BNC2: variants seen among roughly 807,000 people sequenced by gnomAD.
BNC2 encodes the protein basonuclin zinc finger protein 2.
A neutral mutation model predicts 76.3 loss-of-function variants in BNC2; 20 were observed. The observed-to-expected ratio is 0.26, with a 90% CI of 0.18 to 0.38. The LOEUF (loss-of-function observed/expected upper bound fraction) is 0.38. BNC2 is among the 10% of genes least tolerant of loss of function. BNC2 has a pLI of 1.00. For synonymous variants in BNC2, 582 were observed against 514.8 expected (o/e 1.13, Z -1.77); for missense variants, 1,382 against 1,399.8 (o/e 0.99, Z 0.20).
chr9:16,843,442 C>CCACTG (rs1339331994), intron 1 of BNC2, among the ~76,000 whole-genome samples: 4 of 152,318 alleles, frequency 2.6e-5, no homozygotes, highest in Non-Finnish European at 5.9e-5. Flanking sequence ...GCCTCAGCCT[C>CCACTG]CACTGCCTCA....
chr9:16,780,737 C>T (rs931021435), intron 1 of BNC2, among the ~76,000 whole-genome samples: 9 of 152,032 alleles, frequency 5.9e-5, no homozygotes, highest in Non-Finnish European at 1.3e-4. Context: ...ACTTCAGCCC[C>T]AGAAGAGCAA....
intron 3 of BNC2, among the ~76,000 whole-genome samples, chr9:16,717,639 A>G (rs1824028947): frequency 6.6e-6 from 1 of 152,320 alleles, no homozygotes; most frequent in Non-Finnish European, 1.5e-5. Context: ...TTGTTTTAAG[A>G]TGAAAAATAA....
intron 4 of BNC2, among the ~76,000 whole-genome samples, chr9:16,564,475 G>A (rs929408548): frequency 1.3e-5 from 2 of 152,106 alleles, no homozygotes; most frequent in African/African-American, 2.4e-5. Context: ...ACGAGATTCA[G>A]AGGAAACATC....
At chr9:16,720,086 C>G (rs1247164022) in intron 3 of BNC2, among the ~76,000 whole-genome samples, 1 of 152,174 alleles carries the variant, frequency 6.6e-6, no homozygotes, top group Admixed American at 6.5e-5. Flanking sequence ...AAGCCAGGGC[C>G]CCTGGTTACA....
chr9:16,437,518 C>T lies in BNC2; in HGVS notation c.676G>A (p.Ala226Thr), dbSNP rs1456846165. 6.2e-7 allele frequency: 1 copy of T among 1,612,108 alleles called. No homozygotes were observed. Among genetic ancestry groups the T allele is most frequent in the Non-Finnish European group, 8.5e-7 (1 of 1,179,976 alleles). Residue 226 changes from alanine to threonine, a missense_variant, in exon 6 of 7, where the codon GCT becomes ACT. By Grantham distance (58) the Ala-to-Thr change is moderately conservative. This residue lies in a region of BNC2 where 557 missense variants were observed against 540.9 expected (regional missense o/e 1.03). Coordinates refer to ENST00000380672, the MANE Select transcript of BNC2 (RefSeq NM_017637.6). ...GCCCAGCGGTCCAGCACCTTGCCAG[C>T]AGCATCCTAGAGGCCACATCAAAGA... ...YVRGYILQDA[A>T]GKVLDRWAIM...
At chr9:16,863,651 C>T (rs1267111244) in intron 1 of BNC2, among the ~76,000 whole-genome samples, 3 of 152,140 alleles carry the variant, frequency 2.0e-5, no homozygotes, top group East Asian at 3.9e-4. Flanking sequence ...GCCAAAATCA[C>T]GCCACTGCAC....
chr9:16,753,892 G>C (rs147218539), intron 1 of BNC2, among the ~76,000 whole-genome samples: 64 of 152,184 alleles, frequency 4.2e-4, no homozygotes, highest in African/African-American at 1.5e-3. Context: ...GATATCACTT[G>C]AAGTGAATCA....
At chr9:16,789,931 A>G (rs747549943) in intron 1 of BNC2, among the ~76,000 whole-genome samples, 1 of 152,214 alleles carries the variant, frequency 6.6e-6, no homozygotes, top group Non-Finnish European at 1.5e-5. Flanking sequence ...TTGGCTCAAT[A>G]AATACAGGTA....
intron 5 of BNC2, among the ~76,000 whole-genome samples, chr9:16,496,882 A>T (rs1236106641): frequency 6.6e-6 from 1 of 152,222 alleles, no homozygotes; most frequent in African/African-American, 2.4e-5. Flanking sequence ...TAGGATCTGG[A>T]AGGTGTTTGC....
At chr9:16,521,755 A>G (rs1220500556) in intron 5 of BNC2, among the ~76,000 whole-genome samples, 1 of 152,204 alleles carries the variant, frequency 6.6e-6, no homozygotes, top group African/African-American at 2.4e-5. Flanking sequence ...ATCATGTTAA[A>G]TTGGATTACT....
chr9:16,822,092 CAAAAAAAAAA>C (rs531393812), intron 1 of BNC2, among the ~76,000 whole-genome samples: 4 of 32,626 alleles, frequency 1.2e-4, no homozygotes, highest in African/African-American at 4.5e-4. Context: ...GACTCCATCT[CAAAAAAAAAA>C]AAAAAAAAAA....
intron 3 of BNC2, among the ~76,000 whole-genome samples, chr9:16,666,978 C>T (rs1822312730): frequency 6.6e-6 from 1 of 152,000 alleles, no homozygotes; most frequent in Admixed American, 6.6e-5. Context: ...TGATATTACA[C>T]TCTGAAAAAA....
intron 4 of BNC2, among the ~76,000 whole-genome samples, chr9:16,570,818 A>T (rs1189813423): frequency 2.0e-5 from 3 of 152,206 alleles, no homozygotes; most frequent in Admixed American, 1.3e-4. Context: ...TGGCAAAACG[A>T]AAGTATTTTA....
At chr9:16,455,468 T>C (rs1218749441) in intron 5 of BNC2, among the ~76,000 whole-genome samples, 1 of 152,090 alleles carries the variant, frequency 6.6e-6, no homozygotes, top group African/African-American at 2.4e-5. Flanking sequence ...AATAAAACAA[T>C]GTTAATGAAT....
At chr9:16,737,678 G>C (rs1824717272) in intron 2 of BNC2, among the ~76,000 whole-genome samples, 1 of 151,750 alleles carries the variant, frequency 6.6e-6, no homozygotes, top group African/African-American at 2.4e-5. Context: ...GAAAAATGTT[G>C]AAACAGAGCA....
At chr9:16,630,749 C>CTT (rs755684997) in intron 3 of BNC2, among the ~76,000 whole-genome samples, 1 of 140,194 alleles carries the variant, frequency 7.1e-6, no homozygotes, top group Non-Finnish European at 1.5e-5. Flanking sequence ...TGGAGCGTTT[C>CTT]TTTTTTTGAA....
intron 3 of BNC2, among the ~76,000 whole-genome samples, chr9:16,670,526 C>A (rs910986476): frequency 6.6e-6 from 1 of 152,116 alleles, no homozygotes; most frequent in South Asian, 2.1e-4. Context: ...ACAACTTTCT[C>A]CCACTCCAAA....
intron 5 of BNC2, among the ~76,000 whole-genome samples, chr9:16,441,613 A>C (rs1821130112): frequency 2.6e-5 from 4 of 152,180 alleles, no homozygotes. Context: ...ACCTCTATGC[A>C]TGGTCTATAT....
chr9:16,796,108 C>T (rs1444180507), intron 1 of BNC2, among the ~76,000 whole-genome samples: 2 of 152,204 alleles, frequency 1.3e-5, no homozygotes, highest in Admixed American at 1.3e-4. Context: ...CTAAGCAACA[C>T]TGTTAGTGAG....
Sources: gnomAD v4.1 joint callset for allele counts (sites outside exome capture counted in the v4.1 genomes callset) on GRCh38, gnomAD v4.1.1 for gene constraint, gnomAD v4.1.1 regional missense constraint, MANE v1.5 for transcripts, NCBI Gene and HGNC (gene_info 2026-07-23, HGNC 2026-07-21) for gene names.